Variants in CIB1 observed in about 807,000 individuals in gnomAD.
The protein encoded by CIB1 is calcium and integrin binding 1, also known as calcium and integrin-binding protein 1.
Under a neutral mutation model 25.0 loss-of-function variants are expected in CIB1, and 19 were observed. The observed-to-expected ratio is 0.76, with a 90% CI of 0.53 to 1.12. The LOEUF (loss-of-function observed/expected upper bound fraction) is 1.12, where lower values mean the gene tolerates loss of function less well. Among genes scored for constraint, CIB1 ranks in the 50% most tolerant of loss-of-function variants. The pLI is 0.00. For missense variants in CIB1, 236 were observed against 242.6 expected (o/e 0.97, Z 0.18); for synonymous variants, 104 against 98.5 (o/e 1.06, Z -0.33).
chr15:90,236,258 G>A (rs1465244362), upstream of CIB1: 7 of 152,132 alleles, frequency 4.6e-5, no homozygotes, highest in South Asian at 2.1e-4. Flanking sequence ...GGCTTGTCTC[G>A]AACTCCCAAC....
the CIB1 span, among the ~76,000 whole-genome samples, chr15:90,256,629 CCTTCCTTCCTTCTTT>C: frequency 0.013 from 921 of 69,166 alleles, 30 homozygotes; most frequent in African/African-American, 0.047. Flanking sequence ...TTCCTTCCTT[CCTTCCTTCCTTCTTT>C]CTTTCTCCCT....
the CIB1 span, chr15:90,264,714 C>T: frequency 6.5e-7 from 1 of 1,535,644 alleles, no homozygotes; most frequent in East Asian, 2.4e-5. Context: ...CATGTTTCCA[C>T]TGCAGAAGGA....
At chr15:90,262,694 T>C in the CIB1 span, 1 of 1,455,136 alleles carries the variant, frequency 6.9e-7, no homozygotes, top group Non-Finnish European at 9.0e-7. Context: ...GTAGCTCTTA[T>C]CTTTCCACAG....
the CIB1 span, chr15:90,265,595 G>A: frequency 7.0e-7 from 1 of 1,427,482 alleles, no homozygotes. Context: ...CCCACCAAGT[G>A]AAGCGGGAAA....
Position 90,231,084 on chromosome 15 carries a change from CAGCTGCTCACGTTGTCGATG to C in CIB1, c.456_465+10del. On this transcript the variant is annotated splice_donor_variant and splice_donor_5th_base_variant and coding_sequence_variant and intron_variant, in exon 5 of 7. Coordinates refer to ENST00000328649, the MANE Select transcript of CIB1 (RefSeq NM_006384.4). LOFTEE classifies it high-confidence loss of function. ...GCTCCCTCCCGCTCCCAGGCCTGCT[CAGCTGCTCACGTTGTCGATG>C]AGCTGCTTCATCTCAGACGCACTAA... 1 of 1,613,892 alleles carries C rather than the reference CAGCTGCTCACGTTGTCGATG, an allele frequency of 6.2e-7. No individual in the cohort carries two copies. Among genetic ancestry groups the C allele is most frequent in the Non-Finnish European group, 8.5e-7 (1 of 1,179,744 alleles).
the CIB1 span, among the ~76,000 whole-genome samples, chr15:90,260,629 G>C: frequency 6.3e-3 from 956 of 152,222 alleles, 16 homozygotes; most frequent in African/African-American, 0.022. Context: ...GAGGTGGGCG[G>C]ATCAGGAGGT....
chr15:90,251,914 A>G, the CIB1 span, among the ~76,000 whole-genome samples: 1 of 151,732 alleles, frequency 6.6e-6, no homozygotes, highest in Admixed American at 6.6e-5. Flanking sequence ...TCGCTTTGTC[A>G]TCCAGGCTGG....
the CIB1 span, chr15:90,242,061 C>T: frequency 6.3e-7 from 1 of 1,598,324 alleles, no homozygotes; most frequent in Middle Eastern, 1.7e-4. Flanking sequence ...CCAGGAAGAG[C>T]AATAATACTT....
At chr15:90,260,014 G>A in the CIB1 span, among the ~76,000 whole-genome samples, 5 of 152,164 alleles carry the variant, frequency 3.3e-5, no homozygotes, top group South Asian at 2.1e-4. Flanking sequence ...CTGGGACACC[G>A]TAAGCACTCA....
upstream of CIB1, among the ~76,000 whole-genome samples, chr15:90,235,399 C>T (rs1192654552): frequency 1.3e-5 from 2 of 152,114 alleles, no homozygotes; most frequent in South Asian, 4.1e-4. Flanking sequence ...AACCCCATCT[C>T]TACTAAAAAT....
chr15:90,240,262 C>T, the CIB1 span, among the ~76,000 whole-genome samples: 1 of 151,850 alleles, frequency 6.6e-6, no homozygotes, highest in Non-Finnish European at 1.5e-5. Flanking sequence ...AATCCCAGCA[C>T]TTTGGGAAGC....
the CIB1 span, chr15:90,251,718 AC>A: frequency 2.0e-6 from 2 of 995,234 alleles, no homozygotes; most frequent in Admixed American, 3.5e-5. Flanking sequence ...CTTGCCTCTA[AC>A]CTGTACTGAG....
At chr15:90,262,922 C>T in the CIB1 span, 1 of 1,519,624 alleles carries the variant, frequency 6.6e-7, no homozygotes, top group Middle Eastern at 1.7e-4. Context: ...TGGTTTGGGA[C>T]TTATCCTTGG....
chr15:90,258,192 G>A, the CIB1 span: 1 of 1,614,232 alleles, frequency 6.2e-7, no homozygotes, highest in African/African-American at 1.3e-5. Flanking sequence ...GTATCTGAAT[G>A]GAGGTACATG....
chr15:90,232,994 C>CTCT (rs1410924834), intron 2 of CIB1, among the ~76,000 whole-genome samples: 1 of 152,004 alleles, frequency 6.6e-6, no homozygotes, highest in Non-Finnish European at 1.5e-5. Context: ...CTCCAGGGAT[C>CTCT]TCTTACCCTC....
chr15:90,238,455 A>G (rs1962681066), upstream of CIB1: 1 of 152,214 alleles, frequency 6.6e-6, no homozygotes, highest in African/African-American at 2.4e-5. Flanking sequence ...GTAATTTTTT[A>G]TATGTTTTGT....
the CIB1 span, among the ~76,000 whole-genome samples, chr15:90,253,675 G>A: frequency 7.2e-5 from 11 of 152,248 alleles, no homozygotes; most frequent in Admixed American, 7.2e-4. Flanking sequence ...AGAATACTGG[G>A]AGGCAGCTTC....
the CIB1 span, chr15:90,257,604 C>T: frequency 6.2e-7 from 1 of 1,600,114 alleles, no homozygotes; most frequent in Non-Finnish European, 8.6e-7. Context: ...CGCATGCAGA[C>T]AGTCTGAGAC....
the CIB1 span, among the ~76,000 whole-genome samples, chr15:90,254,308 C>T: frequency 6.6e-6 from 1 of 151,466 alleles, no homozygotes; most frequent in African/African-American, 2.4e-5. Context: ...GCCTGACCAA[C>T]AGGGTAAAAC....
Sources: gnomAD v4.1 joint callset for allele counts (sites outside exome capture counted in the v4.1 genomes callset) on GRCh38, gnomAD v4.1.1 for gene constraint, MANE v1.5 for transcripts, NCBI Gene and HGNC (gene_info 2026-07-23, HGNC 2026-07-21) for gene names.